Variants in NKAIN3 observed in about 807,000 individuals in gnomAD.
NKAIN3 encodes sodium/potassium transporting ATPase interacting 3, also known as sodium/potassium-transporting ATPase subunit beta-1-interacting protein 3.
A neutral mutation model predicts 30.2 loss-of-function variants in NKAIN3; 25 were observed. The ratio of observed to expected loss-of-function variants is 0.83; its 90% CI spans 0.60 to 1.16. The LOEUF is 1.16. Ranked by LOEUF, NKAIN3 falls within the 50% of genes most tolerant of loss-of-function variation. The pLI, the probability that NKAIN3 is intolerant of heterozygous loss-of-function variation, is 0.00. For missense variants in NKAIN3, 225 were observed against 254.1 expected, an observed-to-expected ratio of 0.89 and a Z score of 0.78; for synonymous variants, 91 against 89.6, an observed-to-expected ratio of 1.02 and a Z score of -0.09.
intron 4 of NKAIN3, among the ~76,000 whole-genome samples, chr8:62,825,877 G>A (rs1819005317): frequency 6.6e-6 from 1 of 152,150 alleles, no homozygotes; most frequent in East Asian, 1.9e-4. Context: ...TCAGCTTCAG[G>A]CAGCCCCACT....
chr8:62,566,802 A>G (rs556722325), intron 1 of NKAIN3, among the ~76,000 whole-genome samples: 294 of 152,242 alleles, frequency 1.9e-3, no homozygotes, highest in Middle Eastern at 6.8e-3. Flanking sequence ...AAATCACTGC[A>G]TAAGTGCTGA....
chr8:62,529,023 C>A (rs1431246775), intron 1 of NKAIN3, among the ~76,000 whole-genome samples: 1 of 152,118 alleles, frequency 6.6e-6, no homozygotes, highest in Admixed American at 6.6e-5. Flanking sequence ...GAAACCAAGG[C>A]CCCTTTTCAT....
At chr8:62,603,922 G>T (rs895082212) in intron 3 of NKAIN3, among the ~76,000 whole-genome samples, 2 of 152,090 alleles carry the variant, frequency 1.3e-5, no homozygotes, top group East Asian at 3.9e-4. Flanking sequence ...AGAGAGAAAG[G>T]TTTTGTTTTA....
chr8:62,857,983 C>A (rs1820111873), intron 4 of NKAIN3, among the ~76,000 whole-genome samples: 1 of 152,064 alleles, frequency 6.6e-6, no homozygotes, highest in Non-Finnish European at 1.5e-5. Context: ...GCTTATCTAC[C>A]TTTGATCTTT....
At chr8:62,835,388 T>A (rs1160810743) in intron 4 of NKAIN3, among the ~76,000 whole-genome samples, 2 of 152,094 alleles carry the variant, frequency 1.3e-5, no homozygotes, top group Non-Finnish European at 2.9e-5. Flanking sequence ...ACAGACAACC[T>A]ACAGAGCGGG....
chr8:62,327,642 A>G (rs928688154), intron 1 of NKAIN3, among the ~76,000 whole-genome samples: 2 of 152,000 alleles, frequency 1.3e-5, no homozygotes, highest in Non-Finnish European at 2.9e-5. Flanking sequence ...AATTCCATTG[A>G]TCTTTACATC....
intron 1 of NKAIN3, among the ~76,000 whole-genome samples, chr8:62,299,617 GA>G (rs933284602): frequency 1.3e-5 from 2 of 151,760 alleles, no homozygotes; most frequent in Non-Finnish European, 2.9e-5. Context: ...TAGTTTTAGA[GA>G]AATACACATT....
Position 62,321,801 on chromosome 8 carries a change from G to A in NKAIN3, c.54+72674G>A, listed in dbSNP as rs151232174. Among the ~76,000 whole-genome samples, 193 of 152,292 alleles carry A rather than the reference G, an allele frequency of 1.3e-3. 7 individuals carry two copies. In the East Asian group the frequency reaches 0.036, roughly 28 times the overall value. On this transcript the variant is annotated intron_variant, in intron 1 of 6. Coordinates refer to ENST00000623646, the MANE Select transcript of NKAIN3 (RefSeq NM_001304533.3). ...AGGGACCCACTTGAGGAGGCAGTCT[G>A]TCCATTCTCAGATCTCCAGCTGCGT...
intron 5 of NKAIN3, among the ~76,000 whole-genome samples, chr8:62,919,547 C>G (rs1822215033): frequency 6.6e-6 from 1 of 152,028 alleles, no homozygotes; most frequent in Admixed American, 6.6e-5. Context: ...GCCCAGCCTA[C>G]TTTCAAAATT....
chr8:62,646,311 A>T (rs772654531), intron 3 of NKAIN3, among the ~76,000 whole-genome samples: 11 of 152,162 alleles, frequency 7.2e-5, no homozygotes, highest in Admixed American at 3.3e-4. Flanking sequence ...AGTCCTGCTA[A>T]TAATGTAGGA....
At chr8:62,931,277 T>C (rs1196967923) in intron 5 of NKAIN3, among the ~76,000 whole-genome samples, 1 of 152,236 alleles carries the variant, frequency 6.6e-6, no homozygotes, top group Admixed American at 6.5e-5. Context: ...AATATTGTCA[T>C]GTCTTTCAAC....
At chr8:62,764,777 A>G (rs1043427176) in intron 4 of NKAIN3, among the ~76,000 whole-genome samples, 1 of 152,238 alleles carries the variant, frequency 6.6e-6, no homozygotes, top group Admixed American at 6.5e-5. Context: ...CATACAGGTC[A>G]AAATCCTCAA....
intron 1 of NKAIN3, among the ~76,000 whole-genome samples, chr8:62,345,490 TAC>T (rs1234057190): frequency 0.16 from 2,599 of 16,670 alleles, 252 homozygotes; most frequent in Admixed American, 0.23. Context: ...TATGTATATA[TAC>T]ACACATATAT....
chr8:62,659,838 C>T (rs950033115), intron 3 of NKAIN3, among the ~76,000 whole-genome samples: 10 of 152,122 alleles, frequency 6.6e-5, no homozygotes, highest in African/African-American at 2.2e-4. Flanking sequence ...GAATAAGTCT[C>T]ATGACATCTG....
At chr8:62,656,421 A>G (rs1286096070) in intron 3 of NKAIN3, among the ~76,000 whole-genome samples, 1 of 152,092 alleles carries the variant, frequency 6.6e-6, no homozygotes, top group Non-Finnish European at 1.5e-5. Context: ...GTGCACATGT[A>G]CCCCAGAACC....
chr8:62,740,599 CTAA>C (rs949507729), intron 3 of NKAIN3, among the ~76,000 whole-genome samples: 38 of 151,052 alleles, frequency 2.5e-4, no homozygotes, highest in African/African-American at 9.2e-4. Context: ...AGCTCCTTGA[CTAA>C]TGAGAAATTG....
intron 3 of NKAIN3, among the ~76,000 whole-genome samples, chr8:62,722,363 G>A (rs1378589698): frequency 2.0e-5 from 3 of 152,090 alleles, no homozygotes; most frequent in Admixed American, 2.0e-4. Context: ...AAAACACTAC[G>A]AAAGATACCT....
At chr8:62,637,696 A>C (rs1812177336) in intron 3 of NKAIN3, among the ~76,000 whole-genome samples, 1 of 152,134 alleles carries the variant, frequency 6.6e-6, no homozygotes, top group East Asian at 1.9e-4. Flanking sequence ...GCGATGGTTC[A>C]AATAGTACAG....
At chr8:62,914,622 A>G (rs1208314080) in intron 4 of NKAIN3, among the ~76,000 whole-genome samples, 1 of 152,216 alleles carries the variant, frequency 6.6e-6, no homozygotes, top group East Asian at 1.9e-4. Context: ...CAATATCAAA[A>G]GATGGCATTT....
Sources: gnomAD v4.1 joint callset for allele counts (sites outside exome capture counted in the v4.1 genomes callset) on GRCh38, gnomAD v4.1.1 for gene constraint, MANE v1.5 for transcripts, NCBI Gene and HGNC (gene_info 2026-07-23, HGNC 2026-07-21) for gene names.